The following NOMO3 variants were observed in gnomAD, a reference collection of about 807,000 sequenced individuals.
The protein encoded by NOMO3 is NODAL modulator 3.
Under a neutral mutation model 69.9 loss-of-function variants are expected in NOMO3, and 15 were observed. The observed-to-expected ratio is 0.21, with a 90% CI of 0.14 to 0.33. The LOEUF (loss-of-function observed/expected upper bound fraction) is 0.33, where lower values mean the gene tolerates loss of function less well. Ranked by LOEUF, NOMO3 falls within the 10% of genes least tolerant of loss-of-function variation. The pLI, the probability that NOMO3 is intolerant of heterozygous loss-of-function variation, is 1.00. For synonymous variants in NOMO3, 89 were observed against 301.9 expected (o/e 0.29, Z 7.31); for missense variants, 218 against 761.0 (o/e 0.29, Z 8.39).
intron 9 of NOMO3, among the ~76,000 whole-genome samples, chr16:16,254,842 GCACAGA>G (rs1343416044): frequency 1.4e-5 from 2 of 145,040 alleles, no homozygotes; most frequent in Non-Finnish European, 2.9e-5. Context: ...GGCGAGTGGG[GCACAGA>G]CACAGACACA....
chr16:16,233,522 T>G (rs559082499), intron 1 of NOMO3, among the ~76,000 whole-genome samples: 1 of 114,918 alleles, frequency 8.7e-6, no homozygotes, highest in Non-Finnish European at 1.9e-5. Context: ...TTTTTTTTTT[T>G]AATTAAGTTG....
chr16:16,251,419 T>G, intron 7 of NOMO3: 1 of 156,522 alleles, frequency 6.4e-6, no homozygotes, highest in African/African-American at 3.6e-5. Flanking sequence ...TAGAATCGCT[T>G]GAACCCAGGA....
chr16:16,258,234 TAAAAAAGAC>T lies in NOMO3; in HGVS notation c.1220+2089_1220+2097del, dbSNP rs1234450553. Among the ~76,000 whole-genome samples the T allele has an allele frequency of 2.8e-5, 4 of 141,738 alleles. 1 individual carries two copies. Among genetic ancestry groups the T allele is most frequent in the African/African-American group, 8.7e-5 (3 of 34,498 alleles). 93.0% of individuals were successfully genotyped at this position (141,738 alleles called of 152,430 possible). ...AAAAATTAAAAAATAACAAGATTTT[TAAAAAAGAC>T]AAAAAAGACAAATACATTTATGCTG... On this transcript the variant is annotated intron_variant, in intron 11 of 30. Transcript: ENST00000399336.
intron 12 of NOMO3, among the ~76,000 whole-genome samples, chr16:16,262,852 C>T (rs2049575901): frequency 1.4e-5 from 2 of 141,674 alleles, no homozygotes; most frequent in Admixed American, 1.4e-4. Context: ...TTTGTTCATA[C>T]ACATCGGTCT....
intron 1 of NOMO3, among the ~76,000 whole-genome samples, chr16:16,234,147 T>C (rs1246544215): frequency 6.6e-6 from 1 of 151,976 alleles, no homozygotes; most frequent in Non-Finnish European, 1.5e-5. Context: ...TCCTAGGATT[T>C]CCTGGGTACA....
chr16:16,248,976 CA>C (rs2049440774), intron 6 of NOMO3, among the ~76,000 whole-genome samples: 1 of 144,640 alleles, frequency 6.9e-6, no homozygotes, highest in Admixed American at 6.8e-5. Flanking sequence ...AGTTTATAGT[CA>C]AAGATCAAAA....
chr16:16,235,351 C>CT (rs1439216566), intron 1 of NOMO3, among the ~76,000 whole-genome samples: 4 of 148,680 alleles, frequency 2.7e-5, no homozygotes, highest in African/African-American at 7.7e-5. Context: ...CAACTGCTTC[C>CT]TTTTACAGAC....
At chr16:16,239,298 C>T (rs1439539277) in intron 2 of NOMO3, among the ~76,000 whole-genome samples, 1 of 143,376 alleles carries the variant, frequency 7.0e-6, no homozygotes, top group Non-Finnish European at 1.5e-5. Context: ...CTGTAGGCGC[C>T]TGCCACCACA....
intron 1 of NOMO3, among the ~76,000 whole-genome samples, chr16:16,233,631 T>C (rs2049301284): frequency 1.2e-5 from 1 of 81,890 alleles, no homozygotes; most frequent in Admixed American, 1.3e-4. Context: ...CAGAATGTCA[T>C]TTGTCCCGGT....
intron 6 of NOMO3, among the ~76,000 whole-genome samples, chr16:16,250,032 C>T (rs384661): frequency 0.03 from 4,035 of 135,044 alleles, 183 homozygotes; most frequent in African/African-American, 0.044. Context: ...AGGTTTACAG[C>T]GACTGTGGCA....
At chr16:16,263,307 G>A in intron 13 of NOMO3, 92 bp downstream of exon 13, 1 of 1,592,088 alleles carries the variant, frequency 6.3e-7, no homozygotes, top group Non-Finnish European at 8.5e-7. Flanking sequence ...TGCCTTTGTT[G>A]TTTGCTACTG....
In NOMO3 at chr16:16,235,634, G is replaced by A. The variant is rs1189097041; in HGVS notation, c.166-1267G>A. Among the ~76,000 whole-genome samples the A allele has an allele frequency of 2.1e-4, 30 of 142,502 alleles. 1 individual carries two copies. The highest frequency in any genetic ancestry group is 6.7e-4 in the African/African-American group (23 of 34,440). The allele number at this position is 142,502 out of a possible 152,430, so 93.5% of individuals were successfully genotyped here. On this transcript the variant is annotated intron_variant, in intron 1 of 30. Transcript: ENST00000399336. ...TGGCCTCAAGCAGTCCTCCTGCCTC[G>A]GCCTCCTGAGTAGCTGAGGCTACAG...
chr16:16,240,254 A>G (rs2049364653), intron 3 of NOMO3, among the ~76,000 whole-genome samples: 1 of 143,788 alleles, frequency 7.0e-6, no homozygotes, highest in Non-Finnish European at 1.5e-5. Context: ...CAGTTTTTTA[A>G]GTTTTTATGG....
intron 1 of NOMO3, among the ~76,000 whole-genome samples, chr16:16,233,577 A>G (rs1354385129): frequency 1.1e-5 from 1 of 95,048 alleles, no homozygotes; most frequent in African/African-American, 4.4e-5. Flanking sequence ...ATTATGACCC[A>G]GAAAGGTTCC....
chr16:16,260,952 T>C (rs1485356731), intron 11 of NOMO3: 1 of 149,642 alleles, frequency 6.7e-6, no homozygotes, highest in Admixed American at 6.2e-5. Context: ...ATTTTAGCTT[T>C]GCATTTTTTA....
chr16:16,239,089 A>C lies in NOMO3; in HGVS notation c.256-762A>C, dbSNP rs560908450. ...CGAGGCTCCATCTCAAAAAAAAAAA[A>C]CTAAAACAAAAACAGAAACCAGGGT... On this transcript the variant is annotated intron_variant, in intron 2 of 30. Coordinates refer to ENST00000399336, the MANE Select transcript of NOMO3 (RefSeq NM_001004067.4). Among the ~76,000 whole-genome samples, 3 of 142,560 alleles carry C rather than the reference A, an allele frequency of 2.1e-5. 1 individual carries two copies. The South Asian group carries it at 6.7e-4, about 32-fold the overall frequency. The allele number at this position is 142,560 out of a possible 152,430, so 93.5% of individuals were successfully genotyped here.
intron 2 of NOMO3, among the ~76,000 whole-genome samples, chr16:16,239,210 G>A (rs1049285744): frequency 4.1e-5 from 6 of 144,588 alleles, no homozygotes; most frequent in Non-Finnish European, 7.4e-5. Flanking sequence ...GAGTGCAGGG[G>A]CACAATTATG....
intron 11 of NOMO3, among the ~76,000 whole-genome samples, chr16:16,258,692 G>C (rs867997973): frequency 7.0e-6 from 1 of 142,978 alleles, no homozygotes; most frequent in Non-Finnish European, 1.5e-5. Flanking sequence ...GGTGAAACCC[G>C]GTCTGTACTA....
chr16:16,254,723 G>T (rs2049495218), intron 9 of NOMO3, among the ~76,000 whole-genome samples: 1 of 143,892 alleles, frequency 6.9e-6, no homozygotes, highest in Non-Finnish European at 1.5e-5. Flanking sequence ...TCAGATACTG[G>T]TAAGTTTGAT....
Sources: gnomAD v4.1 joint callset for allele counts (sites outside exome capture counted in the v4.1 genomes callset) on GRCh38, gnomAD v4.1.1 for gene constraint, MANE v1.5 for transcripts, NCBI Gene and HGNC (gene_info 2026-07-23, HGNC 2026-07-21) for gene names.